EYS: variants seen among roughly 807,000 people sequenced by gnomAD.
EYS encodes EGF-like photoreceptor maintenance factor.
EYS carries 250 observed loss-of-function variants against 282.1 expected under a neutral mutation model. That is an observed-to-expected ratio of 0.89 (90% CI 0.80 to 0.98). The LOEUF (loss-of-function observed/expected upper bound fraction) is 0.98, where lower values mean the gene tolerates loss of function less well. Ranked by LOEUF, EYS falls within the 50% of genes least tolerant of loss-of-function variation. EYS has a pLI of 0.00. For missense variants in EYS, 4,016 were observed against 3,709.0 expected (o/e 1.08, Z -2.15); for synonymous variants, 1,355 against 1,282.9 (o/e 1.06, Z -1.20).
chr6:65,618,631 G>A (rs1766323484), intron 2 of EYS, among the ~76,000 whole-genome samples: 1 of 152,296 alleles, frequency 6.6e-6, no homozygotes, highest in East Asian at 1.9e-4. Flanking sequence ...CCTTGCCCAT[G>A]CCTATGTCCT....
intron 16 of EYS, among the ~76,000 whole-genome samples, chr6:64,910,926 T>C (rs1267089881): frequency 1.3e-5 from 2 of 152,066 alleles, no homozygotes; most frequent in Non-Finnish European, 1.5e-5. Flanking sequence ...AGGAAGTTTG[T>C]CTAAAGTGAA....
intron 31 of EYS, among the ~76,000 whole-genome samples, chr6:64,101,335 T>C (rs1228104033): frequency 6.6e-6 from 1 of 152,170 alleles, no homozygotes; most frequent in African/African-American, 2.4e-5. Context: ...CTCTCTCAAT[T>C]AGACTTGCCT....
At position 65,008,401 on chromosome 6, in the gene EYS, G is replaced by A. The variant is rs945472811; in HGVS notation, c.2138-10698C>T. On this transcript the variant is annotated intron_variant, in intron 13 of 42. Transcript: ENST00000503581. ...GCAAAACTTAGAAACCCTATTGAACGTGGCAACCTTGGTTTTTTATAAAAG... is the reference window on the plus strand; with the variant it reads ...GCAAAACTTAGAAACCCTATTGAACATGGCAACCTTGGTTTTTTATAAAAG... Among the ~76,000 whole-genome samples the A allele has an allele frequency of 2.3e-4, 35 of 152,080 alleles. No homozygotes were observed. The Middle Eastern group carries it at 0.02, about 89-fold the overall frequency.
intron 31 of EYS, among the ~76,000 whole-genome samples, chr6:64,176,035 CATG>C (rs1764623414): frequency 6.6e-6 from 1 of 151,998 alleles, no homozygotes; most frequent in African/African-American, 2.4e-5. Context: ...CAATTTTAAA[CATG>C]ATGGTAAGGG....
rs573203290 is a variant in EYS at position 64,701,209 on chromosome 6, C to G, written c.3444-74964G>C. On this transcript the variant is annotated intron_variant, in intron 22 of 42. Coordinates refer to ENST00000503581, the MANE Select transcript of EYS (RefSeq NM_001142800.2). ...CTGGATCCTTATCTCTCATTATGTA[C>G]AAAAATTAACTTAAGATTAATTAAA... 1.5e-4 allele frequency among the ~76,000 whole-genome samples: 23 copies of G among 152,098 alleles called. No homozygotes were observed. In the East Asian group the frequency reaches 3.7e-3, roughly 24 times the overall value.
At chr6:65,693,891 G>T (rs1424320934) in intron 1 of EYS, among the ~76,000 whole-genome samples, 2 of 149,994 alleles carry the variant, frequency 1.3e-5, no homozygotes, top group Non-Finnish European at 3.0e-5. Flanking sequence ...GTTTCTATGG[G>T]TTGTCCTAGA....
intron 22 of EYS, among the ~76,000 whole-genome samples, chr6:64,722,848 G>T (rs557207840): frequency 7.9e-5 from 12 of 152,128 alleles, no homozygotes; most frequent in African/African-American, 2.6e-4. Context: ...TTATATAAAG[G>T]ATTACCCCTT....
In EYS at chr6:65,222,780, T is replaced by C. The variant is rs190849701; in HGVS notation, c.2023+73083A>G. ...GTTACAGAGAAAAATCTGAATTAGATACATGGGATAGCAGAGAAAAGTGGA... is the reference window on the plus strand; with the variant it reads ...GTTACAGAGAAAAATCTGAATTAGACACATGGGATAGCAGAGAAAAGTGGA... On this transcript the variant is annotated intron_variant, in intron 12 of 42. Coordinates refer to ENST00000503581, the MANE Select transcript of EYS (RefSeq NM_001142800.2). Among the ~76,000 whole-genome samples, 25 of 152,256 alleles carry C rather than the reference T, an allele frequency of 1.6e-4. No homozygotes were observed. The East Asian group carries it at 3.9e-3, about 24-fold the overall frequency.
chr6:65,446,205 G>C (rs1008664304), intron 5 of EYS, among the ~76,000 whole-genome samples: 1 of 151,602 alleles, frequency 6.6e-6, no homozygotes, highest in Non-Finnish European at 1.5e-5. Context: ...CATCAATATT[G>C]AGTAATAAAC....
intron 8 of EYS, among the ~76,000 whole-genome samples, chr6:65,372,395 C>T (rs903479640): frequency 1.4e-4 from 22 of 151,750 alleles, no homozygotes; most frequent in African/African-American, 5.3e-4. Flanking sequence ...TACTGAAACT[C>T]TAAGGAAAAG....
chr6:65,066,334 T>C (rs144208751), intron 12 of EYS, among the ~76,000 whole-genome samples: 24 of 152,342 alleles, frequency 1.6e-4, no homozygotes, highest in African/African-American at 5.8e-4. Context: ...ATTTTGAACC[T>C]ATTTCCAGGT....
chr6:65,179,214 A>C (rs1042704963), intron 12 of EYS, among the ~76,000 whole-genome samples: 6 of 151,800 alleles, frequency 4.0e-5, no homozygotes, highest in African/African-American at 1.5e-4. Context: ...CTAAGATCAT[A>C]GCAGAACTGA....
intron 30 of EYS, among the ~76,000 whole-genome samples, chr6:64,269,650 TGTCA>T (rs1223926672): frequency 6.6e-6 from 1 of 152,112 alleles, no homozygotes; most frequent in Non-Finnish European, 1.5e-5. Flanking sequence ...ATACATATAT[TGTCA>T]GTCAAATGAT....
chr6:63,874,354 A>G (rs893403516), intron 35 of EYS, among the ~76,000 whole-genome samples: 1 of 152,062 alleles, frequency 6.6e-6, no homozygotes, highest in Non-Finnish European at 1.5e-5. Flanking sequence ...ATTGGTCTAT[A>G]TCTCTGTTTT....
chr6:65,098,030 C>T (rs1463712812), intron 12 of EYS, among the ~76,000 whole-genome samples: 1 of 150,190 alleles, frequency 6.7e-6, no homozygotes, highest in Non-Finnish European at 1.5e-5. Flanking sequence ...TTAATTTCCA[C>T]TTTTAAATAG....
intron 30 of EYS, among the ~76,000 whole-genome samples, chr6:64,250,553 C>A (rs887366124): frequency 6.6e-6 from 1 of 152,126 alleles, no homozygotes; most frequent in Non-Finnish European, 1.5e-5. Flanking sequence ...ATTTTCCTTT[C>A]AAAATTCAAA....
intron 22 of EYS, among the ~76,000 whole-genome samples, chr6:64,650,745 A>G (rs1768527239): frequency 6.6e-6 from 1 of 152,066 alleles, no homozygotes; most frequent in African/African-American, 2.4e-5. Context: ...ATGTTGTATA[A>G]ACTGTCTCAG....
intron 12 of EYS, among the ~76,000 whole-genome samples, chr6:65,263,708 TGTG>T (rs1383467671): frequency 1.4e-5 from 2 of 143,432 alleles, no homozygotes; most frequent in African/African-American, 5.6e-5. Context: ...CAAAGCTGTG[TGTG>T]TGTGTGTGTG....
chr6:63,744,890 A>G (rs749676132), intron 41 of EYS: 11 of 307,822 alleles, frequency 3.6e-5, no homozygotes, highest in South Asian at 1.0e-4. Context: ...TTTAAAATAA[A>G]TCCAATAGTT....
Sources: allele counts gnomAD v4.1 joint callset (sites outside exome capture counted in the v4.1 genomes callset), GRCh38; gene constraint gnomAD v4.1.1; transcripts MANE v1.5; gene names NCBI Gene and HGNC (gene_info 2026-07-23, HGNC 2026-07-21).